Variants in DPP6 observed in about 807,000 individuals in gnomAD.
DPP6 encodes the protein A-type potassium channel modulatory protein DPP6.
In DPP6, 69 loss-of-function variants were observed where a neutral mutation model predicts 122.6. The observed-to-expected ratio is 0.56, with a 90% CI of 0.46 to 0.69. The LOEUF is 0.69. DPP6 is among the 30% of genes least tolerant of loss of function. The probability of loss-of-function intolerance (pLI) is 0.00; values close to 1 mark genes in which losing one functional copy is unlikely to be tolerated. For synonymous variants in DPP6, 418 were observed against 433.1 expected, an observed-to-expected ratio of 0.97 and a Z score of 0.43; for missense variants, 928 against 1,116.9, an observed-to-expected ratio of 0.83 and a Z score of 2.41.
intron 1 of DPP6, among the ~76,000 whole-genome samples, chr7:154,101,312 C>T (rs1201131569): frequency 5.0e-5 from 7 of 138,966 alleles, no homozygotes; most frequent in East Asian, 4.7e-4. Flanking sequence ...ATTTACTGTG[C>T]GAGTATCCAG....
At chr7:154,791,027 A>G (rs1336153322) in intron 10 of DPP6, among the ~76,000 whole-genome samples, 1 of 152,128 alleles carries the variant, frequency 6.6e-6, no homozygotes, top group Admixed American at 6.6e-5. Flanking sequence ...CGAGGCTGGC[A>G]GATTACTTGA....
At chr7:154,774,045 G>A (rs1587096261) in intron 10 of DPP6, among the ~76,000 whole-genome samples, 1 of 152,194 alleles carries the variant, frequency 6.6e-6, no homozygotes, top group Non-Finnish European at 1.5e-5. Flanking sequence ...ATCCCCAAGT[G>A]GATGGATGAA....
At position 154,716,118 on chromosome 7, in the gene DPP6, C is replaced by T. The variant is rs191750404; in HGVS notation, c.763-11649C>T. On this transcript the variant is annotated intron_variant, in intron 7 of 25. Transcript: ENST00000377770. ...TTTGTGCTTTCACTATTTCTTAGGC[C>T]TCCCCACCTCCAGACTTCTGCCTCC... 1.1e-3 allele frequency among the ~76,000 whole-genome samples: 160 copies of T among 152,206 alleles called. 1 individual carries two copies. Among genetic ancestry groups the T allele is most frequent in the African/African-American group, 3.8e-3 (156 of 41,526 alleles).
At chr7:154,879,794 C>T (rs1176574252) in intron 20 of DPP6, among the ~76,000 whole-genome samples, 2 of 152,200 alleles carry the variant, frequency 1.3e-5, no homozygotes, top group Non-Finnish European at 2.9e-5. Flanking sequence ...GCTGCTCTCT[C>T]CTTTGCCTGG....
chr7:154,335,122 A>C (rs528177978), intron 1 of DPP6, among the ~76,000 whole-genome samples: 20 of 152,340 alleles, frequency 1.3e-4, no homozygotes, highest in African/African-American at 4.3e-4. Flanking sequence ...TGAGAACCAC[A>C]TGAAGATGAA....
chr7:153,933,085 G>A (rs1041043713), intron 1 of DPP6, among the ~76,000 whole-genome samples: 1 of 152,166 alleles, frequency 6.6e-6, no homozygotes, highest in Non-Finnish European at 1.5e-5. Context: ...GGCCCCCTCA[G>A]CCACATGAAA....
At chr7:154,133,021 C>T (rs1411811755) in intron 1 of DPP6, among the ~76,000 whole-genome samples, 1 of 151,852 alleles carries the variant, frequency 6.6e-6, no homozygotes, top group East Asian at 1.9e-4. Context: ...TTGTTTATAT[C>T]GTTGTCCGTT....
intron 3 of DPP6, among the ~76,000 whole-genome samples, chr7:154,528,391 A>G (rs2130075356): frequency 6.6e-6 from 1 of 152,314 alleles, no homozygotes; most frequent in Middle Eastern, 3.4e-3. Flanking sequence ...ATAATTTGAC[A>G]AAAAAGAAAC....
At chr7:153,991,800 C>G (rs1797190358) in intron 1 of DPP6, among the ~76,000 whole-genome samples, 1 of 152,138 alleles carries the variant, frequency 6.6e-6, no homozygotes, top group Non-Finnish European at 1.5e-5. Flanking sequence ...GCCTCTCCAG[C>G]ACCTTACTCT....
chr7:154,029,845 C>CA lies in DPP6; in HGVS notation c.51+142122dup, dbSNP rs1289076235. Among the ~76,000 whole-genome samples, 921 of 127,192 alleles carry CA rather than the reference C, an allele frequency of 7.2e-3. 9 individuals are homozygous for CA. Among genetic ancestry groups the CA allele is most frequent in the African/African-American group, 0.024 (814 of 34,180 alleles). 83.4% of individuals were successfully genotyped at this position (127,192 alleles called of 152,430 possible). A position where few individuals can be genotyped will look rare whatever the true frequency, so the allele number is the denominator to read the frequency against. Reference sequence around the variant, plus strand: ...TGGGTGACAGAGCGAAACTCCATCTCAAAAAAAAAAAGTAAAGAAAAAAGA... The same window carrying CA: ...TGGGTGACAGAGCGAAACTCCATCTCAAAAAAAAAAAAGTAAAGAAAAAAGA... On this transcript the variant is annotated intron_variant, in intron 1 of 25. Transcript: ENST00000404039.
intron 1 of DPP6, among the ~76,000 whole-genome samples, chr7:153,893,728 G>A (rs1032944103): frequency 6.6e-6 from 1 of 152,198 alleles, no homozygotes; most frequent in Non-Finnish European, 1.5e-5. Context: ...AACTTAAAAT[G>A]TTTTACTTGG....
At chr7:154,617,087 G>T (rs1834309941) in intron 5 of DPP6, among the ~76,000 whole-genome samples, 1 of 152,110 alleles carries the variant, frequency 6.6e-6, no homozygotes, top group Non-Finnish European at 1.5e-5. Flanking sequence ...TGTTTGGTTT[G>T]GCTTTTAAGA....
At chr7:154,507,454 T>C (rs1825749456) in intron 3 of DPP6, among the ~76,000 whole-genome samples, 1 of 152,088 alleles carries the variant, frequency 6.6e-6, no homozygotes, top group African/African-American at 2.4e-5. Flanking sequence ...CGCCCTGATA[T>C]GCCCCAGTAA....
chr7:154,609,289 C>T (rs1187248451), intron 5 of DPP6, among the ~76,000 whole-genome samples: 3 of 152,230 alleles, frequency 2.0e-5, no homozygotes, highest in Non-Finnish European at 2.9e-5. Flanking sequence ...TTGCATTGCC[C>T]ATGCAAGTGA....
At chr7:154,033,842 A>G (rs538313317) in intron 1 of DPP6, among the ~76,000 whole-genome samples, 15 of 114,094 alleles carry the variant, frequency 1.3e-4, no homozygotes, top group African/African-American at 4.1e-4. Context: ...GCACACAAGA[A>G]CAAGTGTTTT....
intron 1 of DPP6, among the ~76,000 whole-genome samples, chr7:154,279,407 A>G (rs1804358343): frequency 6.6e-6 from 1 of 152,180 alleles, no homozygotes; most frequent in Non-Finnish European, 1.5e-5. Context: ...GATTCTGGCC[A>G]GTATATTCTA....
chr7:153,969,292 A>G (rs1795904982), intron 1 of DPP6, among the ~76,000 whole-genome samples: 1 of 149,152 alleles, frequency 6.7e-6, no homozygotes, highest in Non-Finnish European at 1.5e-5. Context: ...TTTTTCTTGA[A>G]TAAATACTCC....
chr7:154,073,999 C>CTATG (rs541968723), intron 1 of DPP6, among the ~76,000 whole-genome samples: 6,087 of 148,064 alleles, frequency 0.041, 3 homozygotes, highest in East Asian at 0.084. Flanking sequence ...AAATATATAT[C>CTATG]TATGTATGTA....
intron 3 of DPP6, among the ~76,000 whole-genome samples, chr7:154,484,044 C>T (rs1000711066): frequency 1.3e-5 from 2 of 152,156 alleles, no homozygotes; most frequent in Non-Finnish European, 2.9e-5. Context: ...AGGTTACTTA[C>T]ACTTACAAGG....
Sources: gnomAD v4.1 joint callset for allele counts (sites outside exome capture counted in the v4.1 genomes callset) on GRCh38, gnomAD v4.1.1 for gene constraint, MANE v1.5 for transcripts, NCBI Gene and HGNC (gene_info 2026-07-23, HGNC 2026-07-21) for gene names.